Variants in CAMK2B observed in about 807,000 individuals in gnomAD.
The protein encoded by CAMK2B is calcium/calmodulin-dependent protein kinase type II subunit beta.
CAMK2B carries 27 observed loss-of-function variants against 93.7 expected under a neutral mutation model. The ratio of observed to expected loss-of-function variants is 0.29; its 90% CI spans 0.21 to 0.40. The LOEUF (loss-of-function observed/expected upper bound fraction) is 0.40, where lower values mean the gene tolerates loss of function less well. CAMK2B is among the 10% of genes least tolerant of loss of function. CAMK2B has a pLI of 1.00. For missense variants in CAMK2B, 568 were observed against 895.8 expected (o/e 0.63, Z 4.67); for synonymous variants, 374 against 358.8 (o/e 1.04, Z -0.48).
At chr7:44,235,390 C>T (rs761900629) in intron 13 of CAMK2B, among the ~76,000 whole-genome samples, 45 of 152,254 alleles carry the variant, frequency 3.0e-4, no homozygotes, top group Non-Finnish European at 5.4e-4. Flanking sequence ...AGCAGCGGGG[C>T]CCCTGCCTCA....
intron 6 of CAMK2B, among the ~76,000 whole-genome samples, chr7:44,246,158 G>A (rs763045226): frequency 6.6e-6 from 1 of 152,086 alleles, no homozygotes; most frequent in Non-Finnish European, 1.5e-5. Context: ...AGACCCTGGC[G>A]AGTCCTGCTC....
intron 21 of CAMK2B, 26 bp from the exon 22 acceptor site, chr7:44,220,736 G>A (rs547887817): frequency 1.9e-6 from 3 of 1,595,076 alleles, no homozygotes; most frequent in Non-Finnish European, 2.6e-6. Flanking sequence ...AAGTGAGGAG[G>A]GGCCCCGTGG....
rs113222147 is a variant in CAMK2B at position 44,258,257 on chromosome 7, ACATGCAAACGTG to A, written c.275+603_275+614del. Among the ~76,000 whole-genome samples the A allele has an allele frequency of 8.5e-3, 1,299 of 152,282 alleles. 19 individuals are homozygous for A. The highest frequency in any genetic ancestry group is 0.03 in the African/African-American group (1,241 of 41,536). On this transcript the variant is annotated intron_variant, in intron 4 of 23. Transcript: ENST00000395749. ...CACACACATACACATGCATGCACAC[ACATGCAAACGTG>A]CATGCATACACTTGTGCCAGCGTAC...
At chr7:44,288,529 A>T (rs1182916439) in intron 1 of CAMK2B, among the ~76,000 whole-genome samples, 1 of 152,198 alleles carries the variant, frequency 6.6e-6, no homozygotes, top group Non-Finnish European at 1.5e-5. Flanking sequence ...CCTGCATGGG[A>T]CGAATGCTAC....
At chr7:44,305,611 C>T (rs1389659588) in intron 1 of CAMK2B, among the ~76,000 whole-genome samples, 1 of 152,216 alleles carries the variant, frequency 6.6e-6, no homozygotes, top group African/African-American at 2.4e-5. Flanking sequence ...ACGGGGCACC[C>T]CTGTGAGGTG....
Position 44,229,372 on chromosome 7 carries a change from G to A in CAMK2B, c.1339+16C>T, listed in dbSNP as rs918094009. On this transcript the variant is annotated intron_variant, in intron 18 of 23. Transcript: ENST00000395749. The stretch of plus-strand genomic sequence containing the variant: ...TCCAACATGACCCCCACAGCAGCAG[G>A]ACCCAGGCTACTTACATGGGGCTGG... 5.3e-6 allele frequency: 8 copies of A among 1,501,094 alleles called. No homozygotes were observed. Among genetic ancestry groups the A allele is most frequent in the Non-Finnish European group, 7.2e-6 (8 of 1,111,902 alleles). 93.0% of individuals were successfully genotyped at this position (1,501,094 alleles called of 1,614,324 possible).
chr7:44,325,703 A>ACGCGCCTTCCC (rs1797380245), upstream of CAMK2B: 1 of 42,738 alleles, frequency 2.3e-5, no homozygotes, highest in African/African-American at 9.0e-5. Context: ...CGCCCCCTGC[A>ACGCGCCTTCCC]CGCGCCTTCC....
intron 1 of CAMK2B, among the ~76,000 whole-genome samples, chr7:44,303,859 G>A (rs1196752170): frequency 6.6e-6 from 1 of 152,168 alleles, no homozygotes; most frequent in Non-Finnish European, 1.5e-5. Flanking sequence ...TATCTGATAA[G>A]ACTGGTTTTC....
chr7:44,242,705 C>T, intron 8 of CAMK2B, 51 bp from the exon 9 acceptor site: 2 of 1,271,508 alleles, frequency 1.6e-6, no homozygotes, highest in Admixed American at 1.9e-5. Flanking sequence ...TGCCACCGTC[C>T]ATGAAGCCCA....
In CAMK2B at chr7:44,226,848, G is replaced by A. The variant is rs1232109381; in HGVS notation, c.1469-204C>T. Among the ~76,000 whole-genome samples the A allele has an allele frequency of 6.8e-5, 3 of 44,136 alleles. No homozygotes were observed. The South Asian group carries it at 2.2e-3, about 33-fold the overall frequency. The allele number at this position is 44,136 out of a possible 152,430, so 29.0% of individuals were successfully genotyped here. On this transcript the variant is annotated intron_variant, in intron 19 of 23. Transcript: ENST00000395749. The stretch of plus-strand genomic sequence containing the variant: ...ACCTGGGCCGACAGAGGGGATATAG[G>A]GGAAAGAAGGGGATGTGGGGGATGG...
chr7:44,234,834 G>C (rs559430560), intron 13 of CAMK2B, among the ~76,000 whole-genome samples, 158 bp from the exon 14 acceptor site: 2 of 152,176 alleles, frequency 1.3e-5, no homozygotes, highest in South Asian at 2.1e-4. Flanking sequence ...CTGAGCAGGT[G>C]GGGGGGCCAT....
chr7:44,277,689 A>T (rs1352480946), intron 2 of CAMK2B, among the ~76,000 whole-genome samples: 1 of 152,108 alleles, frequency 6.6e-6, no homozygotes, highest in Admixed American at 6.6e-5. Flanking sequence ...ACAAGGCCCA[A>T]GGGCCCAGAA....
chr7:44,307,019 A>AG, intron 1 of CAMK2B, among the ~76,000 whole-genome samples: 1 of 20,560 alleles, frequency 4.9e-5, no homozygotes, highest in Non-Finnish European at 9.5e-5. Context: ...AGCAGGAAGA[A>AG]GAGGGTGTGA....
intron 3 of CAMK2B, chr7:44,259,334 C>A (rs6463223): frequency 1 from 194,140 of 194,142 alleles, 97,069 homozygotes; most frequent in Middle Eastern, 1. Context: ...AGCTGCCGTG[C>A]AGCTCCACAT....
chr7:44,322,889 C>T (rs900014621), intron 1 of CAMK2B, among the ~76,000 whole-genome samples: 2 of 152,240 alleles, frequency 1.3e-5, no homozygotes, highest in African/African-American at 4.8e-5. Context: ...CCAGTGGCTG[C>T]AGCTTTAAAT....
intron 3 of CAMK2B, among the ~76,000 whole-genome samples, chr7:44,262,607 C>A (rs2096888751): frequency 6.6e-6 from 1 of 152,194 alleles, no homozygotes; most frequent in Non-Finnish European, 1.5e-5. Context: ...AATGGCGGCT[C>A]AGAGTTATGG....
chr7:44,319,306 T>C (rs964656378), intron 1 of CAMK2B, among the ~76,000 whole-genome samples: 1 of 152,188 alleles, frequency 6.6e-6, no homozygotes, highest in East Asian at 1.9e-4. Context: ...GGGACAGACA[T>C]TGCACACTTA....
intron 1 of CAMK2B, among the ~76,000 whole-genome samples, chr7:44,315,185 TTTC>T (rs1443551558): frequency 1.3e-5 from 2 of 152,218 alleles, no homozygotes; most frequent in African/African-American, 4.8e-5. Flanking sequence ...ACTCTTATGT[TTTC>T]TTCTAAGAAT....
intron 1 of CAMK2B, among the ~76,000 whole-genome samples, chr7:44,315,843 T>C (rs1436639841): frequency 6.6e-6 from 1 of 152,210 alleles, no homozygotes; most frequent in African/African-American, 2.4e-5. Context: ...TTGTTTTTCC[T>C]AATTTTGTTA....
Sources: allele counts gnomAD v4.1 joint callset (sites outside exome capture counted in the v4.1 genomes callset), GRCh38; gene constraint gnomAD v4.1.1; transcripts MANE v1.5; gene names NCBI Gene and HGNC (gene_info 2026-07-23, HGNC 2026-07-21).